The following TOR1AIP2 variants were observed in gnomAD, a reference collection of about 807,000 sequenced individuals.
TOR1AIP2 encodes the protein torsin-1A-interacting protein 2.
A neutral mutation model predicts 32.6 loss-of-function variants in TOR1AIP2; 20 were observed. That is an observed-to-expected ratio of 0.61 (90% CI 0.43 to 0.89). The LOEUF (loss-of-function observed/expected upper bound fraction) is 0.89, where lower values mean the gene tolerates loss of function less well. Among genes scored for constraint, TOR1AIP2 ranks in the 40% least tolerant of loss-of-function variants. The pLI is 0.00. For missense variants in TOR1AIP2, 456 were observed against 553.8 expected (o/e 0.82, Z 1.77); for synonymous variants, 214 against 210.8 (o/e 1.02, Z -0.13).
intron 3 of TOR1AIP2, among the ~76,000 whole-genome samples, chr1:179,854,589 G>A (rs1408388909): frequency 6.6e-6 from 1 of 152,298 alleles, no homozygotes; most frequent in South Asian, 2.1e-4. Flanking sequence ...TTAAAAATAG[G>A]GTGGGCACGG....
chr1:179,840,923 T>G lies in TOR1AIP2; in HGVS notation c.*5148A>C, dbSNP rs1695701967. On this transcript the variant is annotated 3_prime_UTR_variant, in exon 7 of 7. Transcript: ENST00000609928. ...AATAATAATAATAATAATAAAGAAG[T>G]TATAGCACAGTTTATTAGCTAGAAA... 7.9e-6 allele frequency: 1 copy of G among 126,888 alleles called. No individual in the cohort carries two copies. 7.9% of individuals were successfully genotyped at this position (126,888 alleles called of 1,614,324 possible).
intron 3 of TOR1AIP2, among the ~76,000 whole-genome samples, chr1:179,857,211 T>C (rs189004278): frequency 1.3e-5 from 2 of 152,366 alleles, no homozygotes; most frequent in African/African-American, 4.8e-5. Context: ...TGTTCAGTGC[T>C]CTATACGTGG....
intron 2 of TOR1AIP2, among the ~76,000 whole-genome samples, chr1:179,873,545 G>C (rs1231026056): frequency 6.6e-6 from 1 of 152,146 alleles, no homozygotes; most frequent in African/African-American, 2.4e-5. Context: ...TCCACTGTCG[G>C]ATTACTATTT....
chr1:179,860,586 G>A, intron 3 of TOR1AIP2: 1 of 985,392 alleles, frequency 1.0e-6, no homozygotes, highest in South Asian at 4.7e-5. Context: ...GATTTAGTAT[G>A]TGCCATATGT....
At position 179,847,627 on chromosome 1, in the gene TOR1AIP2, C is replaced by A. The variant is rs1695960047; in HGVS notation, c.563G>T (p.Ser188Ile). 2 of 1,609,108 alleles carry A rather than the reference C, an allele frequency of 1.2e-6. No homozygotes were observed. The part of the protein sequence containing the change: ...RRRLLAPEAG[S>I]HPQQTQKLEE... ...CAATTTTTGTGTTTGTTGTGGATGACTTCCAGCCTCTGGAGAGGAAAAGAA... is the reference window on the plus strand; with the variant it reads ...CAATTTTTGTGTTTGTTGTGGATGAATTCCAGCCTCTGGAGAGGAAAAGAA... The change falls in exon 6 of 7, where the codon AGT becomes ATT. Residue 188 changes from serine to isoleucine, a missense_variant. Transcript: ENST00000609928.
chr1:179,860,258 G>A (rs1204078206), intron 3 of TOR1AIP2: 4 of 956,046 alleles, frequency 4.2e-6, no homozygotes, highest in African/African-American at 1.8e-5. Context: ...CCAGGTGAGA[G>A]GATCGCTTGA....
chr1:179,870,452 T>C (rs1696972658), intron 2 of TOR1AIP2, among the ~76,000 whole-genome samples: 1 of 152,012 alleles, frequency 6.6e-6, no homozygotes, highest in South Asian at 2.1e-4. Context: ...TCCAAAAAGA[T>C]GGTACATCCT....
At position 179,845,022 on chromosome 1, in the gene TOR1AIP2, A is replaced by C. The variant is rs944670879; in HGVS notation, c.*1049T>G. The stretch of plus-strand genomic sequence containing the variant: ...AAAAGCATCAGAGACATGCTAGTAA[A>C]TGCTAGCTTATACATTCTGCTGTTC... On this transcript the variant is annotated 3_prime_UTR_variant, in exon 7 of 7. Transcript: ENST00000609928. 1 of 152,214 alleles carries C rather than the reference A, an allele frequency of 6.6e-6. No homozygotes were observed. The highest frequency in any genetic ancestry group is 1.5e-5 in the Non-Finnish European group (1 of 68,014). The allele number at this position is 152,214 out of a possible 1,614,324, so 9.4% of individuals were successfully genotyped here.
chr1:179,867,377 T>C (rs531242636), intron 2 of TOR1AIP2: 2 of 152,286 alleles, frequency 1.3e-5, no homozygotes, highest in Admixed American at 1.3e-4. Flanking sequence ...TTGGTGCTGA[T>C]AGCACAGGGC....
At chr1:179,863,367 A>G in intron 3 of TOR1AIP2, 1 of 985,326 alleles carries the variant, frequency 1.0e-6, no homozygotes, top group South Asian at 4.7e-5. Context: ...ATGTAAGAAG[A>G]AATTTGCTAG....
intron 2 of TOR1AIP2, chr1:179,867,830 ATCAAGAGAAC>A (rs1696845900): frequency 6.6e-6 from 1 of 152,258 alleles, no homozygotes; most frequent in South Asian, 2.1e-4. Flanking sequence ...GTATTCCTGC[ATCAAGAGAAC>A]TCCACCGTTC....
intron 2 of TOR1AIP2, among the ~76,000 whole-genome samples, chr1:179,871,744 C>G (rs1697017960): frequency 6.6e-6 from 1 of 152,146 alleles, no homozygotes; most frequent in Non-Finnish European, 1.5e-5. Context: ...ACAGTCAAGG[C>G]TAATCAATAA....
At chr1:179,861,718 A>G (rs1571681967) in intron 3 of TOR1AIP2, 2 of 985,420 alleles carry the variant, frequency 2.0e-6, no homozygotes, top group Non-Finnish European at 2.4e-6. Flanking sequence ...AAATGGTACT[A>G]TCTTGCAGTA....
intron 3 of TOR1AIP2, chr1:179,862,186 A>C: frequency 1.0e-6 from 1 of 984,376 alleles, no homozygotes; most frequent in Non-Finnish European, 1.2e-6. Flanking sequence ...GGAGATATTG[A>C]CTAAAACAAA....
chr1:179,847,687 T>C (rs1337610480), intron 5 of TOR1AIP2, 51 bp from the exon 6 acceptor site: 1 of 1,155,204 alleles, frequency 8.7e-7, no homozygotes, highest in East Asian at 2.3e-5. Context: ...CTAATGACAG[T>C]ATGTATACCT....
Position 179,846,210 on chromosome 1 carries a change from T to C in TOR1AIP2, c.1274A>G (p.Lys425Arg). Reference protein sequence around the residue: ...EEKVRDLLWAKFTNSDTPTSF... With the variant: ...EEKVRDLLWARFTNSDTPTSF... ...GGTGGGAGTGTCAGAGTTGGTAAAC[T>C]TGGCCCAGAGTAAGTCTCTCACTTT... Residue 425 changes from lysine (K) to arginine (R), a missense_variant, in exon 7 of 7, where the codon AAG (lysine) becomes AGG (arginine). Transcript: ENST00000609928. 2 of 1,614,194 alleles carry C rather than the reference T, an allele frequency of 1.2e-6. No homozygotes were observed. The highest frequency in any genetic ancestry group is 1.7e-6 in the Non-Finnish European group (2 of 1,180,030).
intron 2 of TOR1AIP2, chr1:179,867,713 A>G (rs2148452677): frequency 6.6e-6 from 1 of 152,328 alleles, no homozygotes; most frequent in East Asian, 1.9e-4. Flanking sequence ...CTCTATTGGT[A>G]GGAGTCAAGA....
chr1:179,851,424 A>C (rs1212897326), intron 4 of TOR1AIP2, 61 bp from the exon 5 acceptor site: 1 of 1,239,376 alleles, frequency 8.1e-7, no homozygotes, highest in African/African-American at 1.5e-5. Context: ...TTATATTTTA[A>C]CAAGGTCCCT....
Position 179,863,677 on chromosome 1 carries a change from C to CAAA in TOR1AIP2, c.-147+1756_-147+1758dup, listed in dbSNP as rs904854823. ...GACTCTGTCACTATTTTTTAAAAAG[C>CAAA]AAAAAAAAAAAAAAAAAAAAAGAGG... On this transcript the variant is annotated intron_variant, in intron 3 of 6. Transcript: ENST00000609928. 2,580 of 854,366 alleles carry CAAA rather than the reference C, an allele frequency of 3.0e-3. 1 individual carries two copies. Among genetic ancestry groups the CAAA allele is most frequent in the African/African-American group, 5.5e-3 (188 of 34,474 alleles). The allele number at this position is 854,366 out of a possible 1,614,324, so 52.9% of individuals were successfully genotyped here. A position where few individuals can be genotyped will look rare whatever the true frequency, so the allele number is the denominator to read the frequency against.
Sources: gnomAD v4.1 joint callset for allele counts (sites outside exome capture counted in the v4.1 genomes callset) on GRCh38, gnomAD v4.1.1 for gene constraint, MANE v1.5 for transcripts, NCBI Gene and HGNC (gene_info 2026-07-23, HGNC 2026-07-21) for gene names.